The following GRM8 variants were observed in gnomAD, a reference collection of about 807,000 sequenced individuals.
The protein encoded by GRM8 is metabotropic glutamate receptor 8.
GRM8 carries 47 observed loss-of-function variants against 87.2 expected under a neutral mutation model. The ratio of observed to expected loss-of-function variants is 0.54; its 90% CI spans 0.43 to 0.69. The LOEUF is 0.69. Among genes scored for constraint, GRM8 ranks in the 30% least tolerant of loss-of-function variants. GRM8 has a pLI of 0.00. For missense variants in GRM8, 1,019 were observed against 1,139.2 expected, an observed-to-expected ratio of 0.89 and a Z score of 1.52; for synonymous variants, 396 against 404.5, an observed-to-expected ratio of 0.98 and a Z score of 0.25.
intron 3 of GRM8, among the ~76,000 whole-genome samples, chr7:127,050,598 C>G (rs17864110): frequency 0.028 from 4,231 of 152,230 alleles, 86 homozygotes; most frequent in Middle Eastern, 0.054. Context: ...GTTCTGAAGG[C>G]AGAGGTGTCC....
intron 3 of GRM8, among the ~76,000 whole-genome samples, chr7:126,975,757 A>G (rs1303725248): frequency 2.0e-5 from 3 of 152,244 alleles, no homozygotes; most frequent in Non-Finnish European, 4.4e-5. Flanking sequence ...ACATGAGTTA[A>G]TTATAACAAG....
At chr7:126,549,813 T>C (rs1274836155) in intron 8 of GRM8, among the ~76,000 whole-genome samples, 1 of 152,002 alleles carries the variant, frequency 6.6e-6, no homozygotes, top group African/African-American at 2.4e-5. Context: ...AGAAGTCCAA[T>C]AAAGGAGCCA....
chr7:126,662,227 T>A (rs1805254038), intron 7 of GRM8, among the ~76,000 whole-genome samples: 1 of 152,164 alleles, frequency 6.6e-6, no homozygotes, highest in Admixed American at 6.5e-5. Flanking sequence ...GATAACAGAA[T>A]AAGCAATGAT....
chr7:126,868,414 G>C (rs1301010011), intron 6 of GRM8, among the ~76,000 whole-genome samples: 1 of 152,160 alleles, frequency 6.6e-6, no homozygotes, highest in East Asian at 1.9e-4. Flanking sequence ...GTCCCTTAAG[G>C]GGCCTAGAAA....
chr7:126,633,054 T>C lies in GRM8; in HGVS notation c.1358-23556A>G, dbSNP rs140132604. On this transcript the variant is annotated intron_variant, in intron 7 of 10. Coordinates refer to ENST00000339582, the MANE Select transcript of GRM8 (RefSeq NM_000845.3). ...TTTTATTAAAAATACATTAAAAATA[T>C]TTGCTTTGAATATAGGAAATATGGA... is the stretch of plus-strand genomic sequence containing the variant. Among the ~76,000 whole-genome samples the C allele has an allele frequency of 1.6e-3, 241 of 152,144 alleles. 2 individuals are homozygous for C. In the East Asian group the frequency reaches 0.031, roughly 20 times the overall value.
intron 3 of GRM8, among the ~76,000 whole-genome samples, chr7:127,087,535 G>A (rs1187841458): frequency 2.0e-5 from 3 of 152,136 alleles, no homozygotes; most frequent in African/African-American, 7.2e-5. Flanking sequence ...ATTTATATGA[G>A]GTATCTAAAA....
At chr7:126,509,807 C>T (rs954072867) in intron 9 of GRM8, among the ~76,000 whole-genome samples, 8 of 151,884 alleles carry the variant, frequency 5.3e-5, no homozygotes, top group African/African-American at 1.9e-4. Flanking sequence ...CAGGAAAAGT[C>T]CTAAATGACC....
At position 126,609,378 on chromosome 7, in the gene GRM8, T is replaced by C. The variant is rs963204476; in HGVS notation, c.1478A>G (p.Asn493Ser). Residue 493 changes from asparagine to serine, a missense_variant, in exon 8 of 11, where the codon AAT (asparagine) becomes AGT (serine). Transcript: ENST00000339582. Reference protein sequence around the residue: ...TEYKVIGHWTNQLHLKVEDMQ... With the variant: ...TEYKVIGHWTSQLHLKVEDMQ... ...GATACTTGCTTTTAGATGAAGCTGA[T>C]TGGTCCAGTGGCCGATGACTTTGTA... is the stretch of plus-strand genomic sequence containing the variant. 1.2e-6 allele frequency: 2 copies of C among 1,613,402 alleles called. No homozygotes were observed. Among genetic ancestry groups the C allele is most frequent in the East Asian group, 2.2e-5 (1 of 44,860 alleles).
intron 9 of GRM8, among the ~76,000 whole-genome samples, chr7:126,498,988 A>G (rs1291086013): frequency 2.6e-5 from 4 of 151,990 alleles, no homozygotes; most frequent in Admixed American, 2.0e-4. Flanking sequence ...TTATTTTGTT[A>G]CTAGATATGT....
chr7:127,063,634 T>G lies in GRM8; in HGVS notation c.727+42862A>C, dbSNP rs183668243. The stretch of plus-strand genomic sequence containing the variant: ...ACTCATGGTTTCTCATGTCTCCATT[T>G]TCTTCAGTTCAGCTCTGATTTTTGT... On this transcript the variant is annotated intron_variant, in intron 3 of 10. Coordinates refer to ENST00000339582, the MANE Select transcript of GRM8 (RefSeq NM_000845.3). 4.7e-3 allele frequency among the ~76,000 whole-genome samples: 717 copies of G among 152,344 alleles called. 25 individuals are homozygous for G. Among genetic ancestry groups the G allele is most frequent in the Admixed American group, 0.039 (597 of 15,296 alleles).
chr7:127,185,118 A>G (rs17867021), intron 2 of GRM8, among the ~76,000 whole-genome samples: 3,153 of 152,218 alleles, frequency 0.021, 107 homozygotes, highest in African/African-American at 0.072. Context: ...CTGATTCTAA[A>G]GTTTATCCAT....
intron 3 of GRM8, among the ~76,000 whole-genome samples, chr7:126,994,230 C>G (rs577234146): frequency 1.3e-5 from 2 of 152,286 alleles, no homozygotes; most frequent in South Asian, 2.1e-4. Context: ...TCTAGACACA[C>G]TCTCGGCCAG....
intron 3 of GRM8, among the ~76,000 whole-genome samples, chr7:127,049,632 T>C (rs1023776432): frequency 5.3e-5 from 8 of 152,080 alleles, no homozygotes; most frequent in African/African-American, 1.9e-4. Context: ...TATAGCCTAG[T>C]AGGGAAACCA....
chr7:126,687,487 A>G (rs1808311444), intron 7 of GRM8, among the ~76,000 whole-genome samples: 1 of 152,104 alleles, frequency 6.6e-6, no homozygotes, highest in African/African-American at 2.4e-5. Flanking sequence ...TTATGTATCT[A>G]TTCTAGTATT....
intron 3 of GRM8, among the ~76,000 whole-genome samples, chr7:126,968,127 A>T (rs1265585973): frequency 6.6e-6 from 1 of 152,292 alleles, no homozygotes; most frequent in East Asian, 1.9e-4. Context: ...TATCCATTAG[A>T]TGTAATATAT....
chr7:127,085,244 G>A (rs568357875), intron 3 of GRM8, among the ~76,000 whole-genome samples: 11 of 152,190 alleles, frequency 7.2e-5, no homozygotes, highest in Middle Eastern at 3.4e-3. Flanking sequence ...CCAAGTCTTC[G>A]CTATTGGGAA....
At chr7:126,768,906 G>T (rs1818508653) in intron 7 of GRM8, among the ~76,000 whole-genome samples, 1 of 135,670 alleles carries the variant, frequency 7.4e-6, no homozygotes. Flanking sequence ...TCTGTCTTAG[G>T]TTGCCTTTAA....
chr7:127,120,581 G>A (rs1438948800), intron 2 of GRM8, among the ~76,000 whole-genome samples: 1 of 152,120 alleles, frequency 6.6e-6, no homozygotes, highest in African/African-American at 2.4e-5. Flanking sequence ...GAAAAGCTCT[G>A]CTATAGTATG....
chr7:127,108,866 A>G (rs1158532711), intron 2 of GRM8, among the ~76,000 whole-genome samples: 1 of 152,220 alleles, frequency 6.6e-6, no homozygotes, highest in East Asian at 1.9e-4. Flanking sequence ...TGTGTGGGAA[A>G]GCAATGCAAG....
Sources: allele counts gnomAD v4.1 joint callset (sites outside exome capture counted in the v4.1 genomes callset), GRCh38; gene constraint gnomAD v4.1.1; transcripts MANE v1.5; gene names NCBI Gene and HGNC (gene_info 2026-07-23, HGNC 2026-07-21).